Variants in FGF14 observed in about 807,000 individuals in gnomAD.
The protein encoded by FGF14 is fibroblast growth factor 14.
FGF14 carries 5 observed loss-of-function variants against 25.5 expected under a neutral mutation model. The ratio of observed to expected loss-of-function variants is 0.20; its 90% CI spans 0.10 to 0.41. The LOEUF (loss-of-function observed/expected upper bound fraction) is 0.41, where lower values mean the gene tolerates loss of function less well. FGF14 is among the 10% of genes least tolerant of loss of function. FGF14 has a pLI of 1.00. For missense variants in FGF14, 222 were observed against 320.1 expected (o/e 0.69, Z 2.34); for synonymous variants, 138 against 118.3 (o/e 1.17, Z -1.08).
intron 1 of FGF14, among the ~76,000 whole-genome samples, chr13:102,132,149 G>A (rs1290203480): frequency 6.6e-6 from 1 of 152,108 alleles, no homozygotes; most frequent in African/African-American, 2.4e-5. Flanking sequence ...ATGTGGGAAT[G>A]GGGAGTTGGC....
Position 101,820,147 on chromosome 13 carries a change from G to A in FGF14, c.408+48578C>T, listed in dbSNP as rs145945570. Among the ~76,000 whole-genome samples, 614 of 152,232 alleles carry A rather than the reference G, an allele frequency of 4.0e-3. 3 individuals are homozygous for A. The highest frequency in any genetic ancestry group is 7.1e-3 in the Non-Finnish European group (484 of 68,026). On this transcript the variant is annotated intron_variant, in intron 3 of 4. Coordinates refer to ENST00000376143, the MANE Select transcript of FGF14 (RefSeq NM_004115.4). ...AAGGATATAAAATGTCAGAGAAACA[G>A]TGGCAGCAATATATCAATGAACCAA... is the stretch of plus-strand genomic sequence containing the variant.
chr13:101,843,315 A>T (rs1429955035), intron 3 of FGF14, among the ~76,000 whole-genome samples: 1 of 151,924 alleles, frequency 6.6e-6, no homozygotes, highest in East Asian at 1.9e-4. Flanking sequence ...GGCGATGTGT[A>T]TTACAATTTC....
intron 1 of FGF14, among the ~76,000 whole-genome samples, chr13:102,114,858 G>A (rs1245052096): frequency 2.0e-5 from 3 of 152,056 alleles, no homozygotes; most frequent in Non-Finnish European, 4.4e-5. Flanking sequence ...CTAATCAAGA[G>A]GCATAAAGTT....
intron 1 of FGF14, among the ~76,000 whole-genome samples, chr13:102,309,135 T>TACATACACACACACACAC (rs1555398963): frequency 7.0e-6 from 1 of 142,458 alleles, no homozygotes; most frequent in Non-Finnish European, 1.5e-5. Flanking sequence ...ATGCATAACA[T>TACATACACACACACACAC]ACACACACAC....
intron 1 of FGF14, among the ~76,000 whole-genome samples, chr13:102,369,013 GTAT>G (rs2057797211): frequency 1.3e-5 from 2 of 152,186 alleles, no homozygotes; most frequent in South Asian, 4.1e-4. Flanking sequence ...TTCATCATGA[GTAT>G]ATTATAACCT....
chr13:102,077,858 C>T (rs73576730), intron 1 of FGF14, among the ~76,000 whole-genome samples: 6,332 of 152,156 alleles, frequency 0.042, 423 homozygotes, highest in African/African-American at 0.14. Context: ...CAGCATTGTT[C>T]ACAATAGCCA....
At chr13:102,158,500 T>G (rs1195399513) in intron 1 of FGF14, among the ~76,000 whole-genome samples, 1 of 120,634 alleles carries the variant, frequency 8.3e-6, no homozygotes, top group African/African-American at 3.2e-5. Context: ...AAGGGGAACA[T>G]CACACACTGG....
chr13:102,187,597 G>C (rs1264340260), intron 1 of FGF14, among the ~76,000 whole-genome samples: 1 of 152,140 alleles, frequency 6.6e-6, no homozygotes, highest in Non-Finnish European at 1.5e-5. Flanking sequence ...CATTGCTGCT[G>C]CTTCTCCTCT....
At chr13:101,858,852 G>T (rs78387664) in intron 3 of FGF14, among the ~76,000 whole-genome samples, 5 of 152,026 alleles carry the variant, frequency 3.3e-5, no homozygotes, top group African/African-American at 1.2e-4. Flanking sequence ...GCTTTAAAAC[G>T]TTCAAGTTTA....
chr13:102,277,767 T>C (rs1185470318), intron 1 of FGF14, among the ~76,000 whole-genome samples: 1 of 152,244 alleles, frequency 6.6e-6, no homozygotes, highest in Non-Finnish European at 1.5e-5. Flanking sequence ...CTCTGCCACA[T>C]GTTGACATCC....
chr13:101,727,736 C>G (rs1246111629), intron 3 of FGF14, among the ~76,000 whole-genome samples: 3 of 151,986 alleles, frequency 2.0e-5, no homozygotes, highest in South Asian at 2.1e-4. Context: ...TGATAGCCCT[C>G]TATTAAAAAT....
chr13:101,975,206 G>A (rs2037846623), intron 1 of FGF14, among the ~76,000 whole-genome samples: 1 of 151,994 alleles, frequency 6.6e-6, no homozygotes, highest in Non-Finnish European at 1.5e-5. Flanking sequence ...TGTGTTTCCA[G>A]CCTCTTCTCA....
intron 3 of FGF14, among the ~76,000 whole-genome samples, chr13:101,854,973 T>G (rs1301516975): frequency 6.6e-6 from 1 of 151,968 alleles, no homozygotes; most frequent in Admixed American, 6.6e-5. Context: ...AATACCAAAT[T>G]TTATGTGTGT....
intron 1 of FGF14, among the ~76,000 whole-genome samples, chr13:102,104,442 C>T (rs572110200): frequency 1.3e-5 from 2 of 152,258 alleles, no homozygotes; most frequent in South Asian, 4.1e-4. Context: ...TTATCTTCCG[C>T]TATAAATAAT....
At chr13:101,926,306 G>A (rs1002868587) in intron 1 of FGF14, among the ~76,000 whole-genome samples, 2 of 152,122 alleles carry the variant, frequency 1.3e-5, no homozygotes, top group Non-Finnish European at 2.9e-5. Flanking sequence ...TTAAATGAGA[G>A]TCCGGTTTCC....
intron 1 of FGF14, among the ~76,000 whole-genome samples, chr13:101,965,149 T>G (rs1047412218): frequency 2.6e-5 from 4 of 151,650 alleles, no homozygotes; most frequent in Non-Finnish European, 5.9e-5. Context: ...CTCGAGGGGC[T>G]GAGGCATGAG....
At chr13:102,264,183 A>G (rs1055899287) in intron 1 of FGF14, among the ~76,000 whole-genome samples, 17 of 151,908 alleles carry the variant, frequency 1.1e-4, no homozygotes, top group African/African-American at 3.9e-4. Context: ...TGGTGAAACA[A>G]TTTAAGACTC....
chr13:102,018,314 C>T (rs183694862), intron 1 of FGF14, among the ~76,000 whole-genome samples: 1 of 152,232 alleles, frequency 6.6e-6, no homozygotes, highest in East Asian at 1.9e-4. Flanking sequence ...CCAGAGTCCG[C>T]AACCAAATAA....
At chr13:102,134,751 C>T (rs565447731) in intron 1 of FGF14, among the ~76,000 whole-genome samples, 4 of 152,172 alleles carry the variant, frequency 2.6e-5, no homozygotes, top group Admixed American at 6.5e-5. Flanking sequence ...AGTATTTGTT[C>T]GTTATCATTT....
Sources: gnomAD v4.1 joint callset for allele counts (sites outside exome capture counted in the v4.1 genomes callset) on GRCh38, gnomAD v4.1.1 for gene constraint, MANE v1.5 for transcripts, NCBI Gene and HGNC (gene_info 2026-07-23, HGNC 2026-07-21) for gene names.